The following ARHGAP28 variants were observed in gnomAD, a reference collection of about 807,000 sequenced individuals.
ARHGAP28 encodes the protein rho GTPase-activating protein 28.
Under a neutral mutation model 90.7 loss-of-function variants are expected in ARHGAP28, and 56 were observed. That is an observed-to-expected ratio of 0.62 (90% CI 0.50 to 0.77). The LOEUF is 0.77. Among genes scored for constraint, ARHGAP28 ranks in the 30% least tolerant of loss-of-function variants. The pLI is 0.00. For synonymous variants in ARHGAP28, 308 were observed against 323.3 expected, an observed-to-expected ratio of 0.95 and a Z score of 0.51; for missense variants, 869 against 900.9, an observed-to-expected ratio of 0.96 and a Z score of 0.45.
chr18:6,850,121 A>G (rs2056898293), intron 3 of ARHGAP28, among the ~76,000 whole-genome samples: 2 of 152,212 alleles, frequency 1.3e-5, no homozygotes, highest in Admixed American at 6.5e-5. Flanking sequence ...TAATTCAACA[A>G]TCATACTGTT....
In ARHGAP28 at chr18:6,912,692, T is replaced by C. The variant is rs2057405382; in HGVS notation, c.*538T>C. On this transcript the variant is annotated 3_prime_UTR_variant, in exon 18 of 18. Transcript: ENST00000383472. ...CAATATTTATGCTCTGACTGACTCC[T>C]GAATTGGAAGAGGAAGAACTTCTGT... 6.6e-6 allele frequency: 1 copy of C among 152,254 alleles called. No individual in the cohort carries two copies. The highest frequency in any genetic ancestry group is 2.4e-5 in the African/African-American group (1 of 41,470). 9.4% of individuals were successfully genotyped at this position (152,254 alleles called of 1,614,324 possible).
chr18:6,868,328 T>C, intron 6 of ARHGAP28, 94 bp downstream of exon 6: 1 of 1,109,364 alleles, frequency 9.0e-7, no homozygotes, highest in Non-Finnish European at 1.3e-6. Context: ...AAAAGCGAAG[T>C]ATAAGTGTGC....
chr18:6,740,321 C>A (rs2055965586), intron 1 of ARHGAP28, among the ~76,000 whole-genome samples: 1 of 152,152 alleles, frequency 6.6e-6, no homozygotes, highest in African/African-American at 2.4e-5. Context: ...GAGATCAGTT[C>A]TGTTCTAAAT....
At chr18:6,854,532 G>A (rs757573918) in intron 4 of ARHGAP28, among the ~76,000 whole-genome samples, 1 of 152,108 alleles carries the variant, frequency 6.6e-6, no homozygotes, top group African/African-American at 2.4e-5. Context: ...CCTTTCAAGA[G>A]CACATATTGG....
intron 14 of ARHGAP28, among the ~76,000 whole-genome samples, chr18:6,893,014 T>A (rs1422398161): frequency 6.6e-6 from 1 of 152,236 alleles, no homozygotes; most frequent in Non-Finnish European, 1.5e-5. Context: ...TTTTACAGCC[T>A]TTATTTTCCA....
At chr18:6,837,048 G>C (rs1258155943) in intron 2 of ARHGAP28, 149 bp from the exon 3 acceptor site, 1 of 643,804 alleles carries the variant, frequency 1.6e-6, no homozygotes, top group Non-Finnish European at 2.6e-6. Flanking sequence ...ATACAGTGCA[G>C]ACTTTCATTC....
chr18:6,730,867 C>A (rs1358384358), intron 1 of ARHGAP28, among the ~76,000 whole-genome samples: 1 of 152,138 alleles, frequency 6.6e-6, no homozygotes, highest in South Asian at 2.1e-4. Flanking sequence ...TATTTTTAAT[C>A]ATTTCTTTTA....
At chr18:6,790,969 T>G (rs1418295589) in intron 1 of ARHGAP28, 3 of 151,854 alleles carry the variant, frequency 2.0e-5, no homozygotes, top group Non-Finnish European at 4.4e-5. Context: ...TTATAGATAA[T>G]ATAATCTACT....
chr18:6,848,452 A>G (rs533454794), intron 3 of ARHGAP28, among the ~76,000 whole-genome samples: 6 of 152,290 alleles, frequency 3.9e-5, no homozygotes, highest in South Asian at 2.1e-4. Context: ...ACTCTGGACA[A>G]CAGCAGTAAA....
chr18:6,879,421 A>G (rs2057159705), intron 10 of ARHGAP28, among the ~76,000 whole-genome samples: 1 of 152,176 alleles, frequency 6.6e-6, no homozygotes, highest in African/African-American at 2.4e-5. Context: ...GGGAGATTTA[A>G]TGACAAGACT....
At chr18:6,890,368 A>G (rs912637092) in intron 13 of ARHGAP28, 62 bp from the exon 14 acceptor site, 7 of 1,093,542 alleles carry the variant, frequency 6.4e-6, no homozygotes, top group Admixed American at 4.4e-5. Flanking sequence ...CCTGAAGACA[A>G]TCTGCTAGGG....
At chr18:6,782,589 TG>T (rs376848531) in intron 1 of ARHGAP28, among the ~76,000 whole-genome samples, 16 of 120,746 alleles carry the variant, frequency 1.3e-4, no homozygotes, top group African/African-American at 2.7e-4. Flanking sequence ...AGCTAATTTT[TG>T]TATTTTTTTT....
rs893095634 is a variant in ARHGAP28 at position 6,772,539 on chromosome 18, A to G, written c.122+42596A>G. On this transcript the variant is annotated intron_variant, in intron 1 of 17. Coordinates refer to ENST00000383472, the MANE Select transcript of ARHGAP28 (RefSeq NM_001366230.1). ...CTTTCAGTACAGTATTCAATACATT[A>G]TATGAGATATTCAACACTTTATTAT... Among the ~76,000 whole-genome samples, 9 of 152,326 alleles carry G rather than the reference A, an allele frequency of 5.9e-5. 2 individuals are homozygous for G. The highest frequency in any genetic ancestry group is 2.1e-4 in the South Asian group (1 of 4,832).
intron 1 of ARHGAP28, among the ~76,000 whole-genome samples, chr18:6,765,334 C>T (rs952601552): frequency 1.9e-4 from 29 of 152,132 alleles, no homozygotes; most frequent in Admixed American, 9.8e-4. Context: ...ATGGGTCGAT[C>T]TCATTTCTTC....
intron 10 of ARHGAP28, among the ~76,000 whole-genome samples, chr18:6,879,407 T>C (rs2057159567): frequency 6.6e-6 from 1 of 152,140 alleles, no homozygotes; most frequent in Non-Finnish European, 1.5e-5. Context: ...GCATTTTTGC[T>C]GAAGGGAGAT....
At chr18:6,870,826 G>A in intron 7 of ARHGAP28, 94 bp downstream of exon 7, 2 of 1,348,028 alleles carry the variant, frequency 1.5e-6, no homozygotes, top group Non-Finnish European at 2.0e-6. Context: ...TTGAGACGGA[G>A]TCTCGCTCTA....
rs8083453 is a variant in ARHGAP28 at position 6,878,836 on chromosome 18, C to T, written c.1290+2628C>T. 4.8e-3 allele frequency among the ~76,000 whole-genome samples: 726 copies of T among 152,302 alleles called. 8 individuals are homozygous for T. The highest frequency in any genetic ancestry group is 0.016 in the African/African-American group (672 of 41,566). ...CACTGCCGTTAGAAAGACATTGAAACGTGATGCATTAAAGGGTTCTTTATT... is the reference window on the plus strand; with the variant it reads ...CACTGCCGTTAGAAAGACATTGAAATGTGATGCATTAAAGGGTTCTTTATT... On this transcript the variant is annotated intron_variant, in intron 10 of 17. Transcript: ENST00000383472.
chr18:6,827,593 G>A (rs1356117261), intron 2 of ARHGAP28, among the ~76,000 whole-genome samples: 2 of 134,210 alleles, frequency 1.5e-5, no homozygotes, highest in South Asian at 2.5e-4. Flanking sequence ...GTGGGGGGCT[G>A]ACCCCCACCT....
At chr18:6,836,712 A>G (rs1003199526) in intron 2 of ARHGAP28, among the ~76,000 whole-genome samples, 1 of 152,120 alleles carries the variant, frequency 6.6e-6, no homozygotes, top group Non-Finnish European at 1.5e-5. Context: ...ACAACATAAA[A>G]CTATAGAGGT....
Sources: gnomAD v4.1 joint callset for allele counts (sites outside exome capture counted in the v4.1 genomes callset) on GRCh38, gnomAD v4.1.1 for gene constraint, MANE v1.5 for transcripts, NCBI Gene and HGNC (gene_info 2026-07-23, HGNC 2026-07-21) for gene names.